Variants in SET observed in about 807,000 individuals in gnomAD.
The protein encoded by SET is protein SET.
Under a neutral mutation model 39.0 loss-of-function variants are expected in SET, and 4 were observed. The observed-to-expected ratio is 0.10, with a 90% CI of 0.05 to 0.23. The LOEUF is 0.23. SET is among the 10% of genes least tolerant of loss of function. SET has a pLI of 1.00. For missense variants in SET, 137 were observed against 329.7 expected, an observed-to-expected ratio of 0.42 and a Z score of 4.53; for synonymous variants, 114 against 115.9, an observed-to-expected ratio of 0.98 and a Z score of 0.11.
exon 1 of SET, chr9:128,683,655 G>C (rs1209599648): frequency 1.4e-5 from 6 of 436,888 alleles, no homozygotes; most frequent in Non-Finnish European, 2.5e-5. Context: ...AAAGCCAAGA[G>C]TGCCCCTGCA....
chr9:128,692,862 T>C lies in SET; in HGVS notation c.379-6T>C. On this transcript the variant is annotated splice_region_variant and splice_polypyrimidine_tract_variant and intron_variant, in intron 4 of 7. Transcript: ENST00000322030. ...ATATTTCTAATCTTTCAATTATTTA[T>C]TACAGTATTTTGATGAAAATCCTTA... The C allele has an allele frequency of 3.3e-6, 5 of 1,538,148 alleles. 1 individual carries two copies. Among genetic ancestry groups the C allele is most frequent in the East Asian group, 4.5e-5 (2 of 44,250 alleles).
chr9:128,691,359 T>A (rs573824573), intron 2 of SET, 132 bp downstream of exon 2: 13 of 652,924 alleles, frequency 2.0e-5, no homozygotes, highest in Non-Finnish European at 3.5e-5. Flanking sequence ...GAAATACTTA[T>A]GTAGATTCAG....
Position 128,689,636 on chromosome 9 carries a change from C to T in SET, c.54C>T (p.Asp18=), listed in dbSNP as rs970787011. The T allele has an allele frequency of 3.8e-6, 5 of 1,326,878 alleles. No individual in the cohort carries two copies. The Admixed American group carries it at 7.2e-5, about 19-fold the overall frequency. 82.2% of individuals were successfully genotyped at this position (1,326,878 alleles called of 1,614,324 possible). ...AAAAGGAGCTCAACTCCAACCACGA[C>T]GGGGCCGACGAGACCTCAGGTGAGA... The part of the protein sequence containing the change: ...VSKKELNSNH[D]GADETSEKEQ... Residue 18 remains aspartate, a synonymous_variant, in exon 1 of 8, where the codon GAC becomes GAT. Transcript: ENST00000322030.
intron 1 of SET, 96 bp from the exon 2 acceptor site, chr9:128,691,074 T>G (rs948932671): frequency 1.0e-6 from 1 of 991,260 alleles, no homozygotes; most frequent in Non-Finnish European, 1.6e-6. Flanking sequence ...GGCGTTTTTG[T>G]TTTTGTTTTA....
chr9:128,687,487 A>G (rs978924335), upstream of SET, among the ~76,000 whole-genome samples: 34 of 152,122 alleles, frequency 2.2e-4, no homozygotes, highest in African/African-American at 8.2e-4. Context: ...TCACATCTGT[A>G]ATCCTAGCAA....
At chr9:128,688,962 G>A (rs1418497491), upstream of SET, among the ~76,000 whole-genome samples, 1 of 151,662 alleles carries the variant, frequency 6.6e-6, no homozygotes, top group Non-Finnish European at 1.5e-5. Flanking sequence ...GCCTCCGTGC[G>A]ACGCCCCGCC....
In SET at chr9:128,689,531, GC is replaced by G. The variant is rs1288605277; in HGVS notation, c.-50del. The G allele has an allele frequency of 1.1e-6, 1 of 929,730 alleles. No homozygotes were observed. Among genetic ancestry groups the G allele is most frequent in the African/African-American group, 1.8e-5 (1 of 56,762 alleles). 57.6% of individuals were successfully genotyped at this position (929,730 alleles called of 1,614,324 possible). ...GGGAAGCCGCTTGCCCGCCCCCTTCGCCTTCCCTTCTCTCCCCCTCCCCGCT... is the reference window on the plus strand; with the variant it reads ...GGGAAGCCGCTTGCCCGCCCCCTTCGCTTCCCTTCTCTCCCCCTCCCCGCT... On this transcript the variant is annotated 5_prime_UTR_variant, in exon 1 of 8. Coordinates refer to ENST00000322030, the MANE Select transcript of SET (RefSeq NM_003011.4).
upstream of SET, among the ~76,000 whole-genome samples, chr9:128,688,893 C>A (rs949239987): frequency 2.0e-5 from 3 of 152,068 alleles, no homozygotes; most frequent in Admixed American, 2.0e-4. Context: ...GCTCCCGGTG[C>A]CCCGCGGAGC....
intron 3 of SET, chr9:128,692,444 T>C (rs536533345): frequency 3.0e-4 from 80 of 263,916 alleles, no homozygotes; most frequent in South Asian, 5.2e-4. Flanking sequence ...GGAAAAGATA[T>C]ACAGCTACTG....
At chr9:128,694,122 AGTGTGG>A in intron 7 of SET, 80 bp downstream of exon 7, 1 of 1,273,228 alleles carries the variant, frequency 7.9e-7, no homozygotes, top group Non-Finnish European at 1.1e-6. Flanking sequence ...ATATATATAT[AGTGTGG>A]TAGAACTGAC....
At position 128,693,941 on chromosome 9, in the gene SET, G is replaced by A; in HGVS notation, c.709G>A (p.Asp237Asn). 6.4e-7 allele frequency: 1 copy of A among 1,567,246 alleles called. No homozygotes were observed. Among genetic ancestry groups the A allele is most frequent in the Non-Finnish European group, 8.8e-7 (1 of 1,138,168 alleles). The change falls in exon 7 of 8, where the codon GAT becomes AAT. Residue 237 changes from aspartate to asparagine, a missense_variant. Asp to Asn is a conservative substitution (Grantham distance 23). Transcript: ENST00000322030. Reference sequence around the variant, plus strand: ...AGAAGGAGAAGGAGAAGAAGATGATGATGATGATGAAGAGGAGGAAGGATT... The same window carrying A: ...AGAAGGAGAAGGAGAAGAAGATGATAATGATGATGAAGAGGAGGAAGGATT... ...DEEGEGEEDD[D>N]DDEEEEGLED...
chr9:128,693,091 TAA>T, intron 5 of SET, 110 bp downstream of exon 5: 1 of 720,540 alleles, frequency 1.4e-6, no homozygotes, highest in Admixed American at 2.8e-5. Flanking sequence ...TACAAAACCT[TAA>T]AATATAAAAC....
chr9:128,685,306 A>G (rs1861247213), upstream of SET: 5 of 1,066,490 alleles, frequency 4.7e-6, no homozygotes, highest in Non-Finnish European at 7.1e-6. Flanking sequence ...TCTGAAATCT[A>G]AGGGGAGCAC....
upstream of SET, among the ~76,000 whole-genome samples, chr9:128,686,009 A>G (rs1861272417): frequency 6.6e-6 from 1 of 151,922 alleles, no homozygotes; most frequent in African/African-American, 2.4e-5. Context: ...CCTGGGCGAC[A>G]AGAACAACAA....
chr9:128,691,219 A>G lies in SET; in HGVS notation c.123A>G (p.Glu41=). ...AACACATTGATGAAGTACAAAATGAAATAGACAGGTAACATTTTTCTTAAT... is the reference window on the plus strand; with the variant it reads ...AACACATTGATGAAGTACAAAATGAGATAGACAGGTAACATTTTTCTTAAT... The part of the protein sequence containing the change: ...AIEHIDEVQN[E]IDRLNEQASE... The change falls in exon 2 of 8, where the codon GAA becomes GAG. Residue 41 remains glutamate (E), a synonymous_variant. Coordinates refer to ENST00000322030, the MANE Select transcript of SET (RefSeq NM_003011.4). The G allele has an allele frequency of 1.3e-6, 2 of 1,596,554 alleles. No individual in the cohort carries two copies. Among genetic ancestry groups the G allele is most frequent in the Non-Finnish European group, 1.7e-6 (2 of 1,170,802 alleles).
intron 1 of SET, 91 bp downstream of exon 1, chr9:128,689,746 CGGGGGGCGCCGGGCG>C (rs1861436519): frequency 5.9e-6 from 1 of 170,106 alleles, no homozygotes; most frequent in East Asian, 2.0e-4. Flanking sequence ...GGGGCGCGCG[CGGGGGGCGCCGGGCG>C]GGGGGGCGCG....
In SET at chr9:128,689,293, G is replaced by A. The variant is rs940759389; in HGVS notation, c.-290G>A. 9.8e-6 allele frequency: 10 copies of A among 1,019,494 alleles called. No homozygotes were observed. Among genetic ancestry groups the A allele is most frequent in the Non-Finnish European group, 1.2e-5 (10 of 851,512 alleles). 63.2% of individuals were successfully genotyped at this position (1,019,494 alleles called of 1,614,324 possible). A position where few individuals can be genotyped will look rare whatever the true frequency, so the allele number is the denominator to read the frequency against. On this transcript the variant is annotated 5_prime_UTR_variant, in exon 1 of 8. Transcript: ENST00000322030. ...AGCAGCGAGCTGGCTGGATCGCCGA[G>A]CGCGAGTGAGGGAGCCGAGCCGCCC...
chr9:128,691,050 T>C lies in SET; in HGVS notation c.74-120T>C, dbSNP rs1426674029. The C allele has an allele frequency of 1.4e-5, 11 of 791,458 alleles. No homozygotes were observed. The East Asian group carries it at 2.4e-4, about 18-fold the overall frequency. 49.0% of individuals were successfully genotyped at this position (791,458 alleles called of 1,614,324 possible). On this transcript the variant is annotated intron_variant, in intron 1 of 7. Transcript: ENST00000322030. Reference sequence around the variant, plus strand: ...CTACAAGCATGAACATGTGGAACGCTTGCCTTTGTACTAGGCGTTTTTGTT... The same window carrying C: ...CTACAAGCATGAACATGTGGAACGCCTGCCTTTGTACTAGGCGTTTTTGTT...
At chr9:128,685,913 G>C (rs1252469256), upstream of SET, among the ~76,000 whole-genome samples, 2 of 152,126 alleles carry the variant, frequency 1.3e-5, no homozygotes, top group South Asian at 2.1e-4. Context: ...TGTAATCCCA[G>C]CTACTTGGGG....
Sources: gnomAD v4.1 joint callset for allele counts (sites outside exome capture counted in the v4.1 genomes callset) on GRCh38, gnomAD v4.1.1 for gene constraint, MANE v1.5 for transcripts, NCBI Gene and HGNC (gene_info 2026-07-23, HGNC 2026-07-21) for gene names.